MID1: variants seen among roughly 807,000 people sequenced by gnomAD.
The protein encoded by MID1 is midline 1, also known as E3 ubiquitin-protein ligase Midline-1.
A neutral mutation model predicts 40.4 loss-of-function variants in MID1; 7 were observed. The ratio of observed to expected loss-of-function variants is 0.17; its 90% CI spans 0.10 to 0.33. The LOEUF is 0.33. Ranked by LOEUF, MID1 falls within the 10% of genes least tolerant of loss-of-function variation. MID1 has a pLI of 1.00. For synonymous variants in MID1, 229 were observed against 221.2 expected (o/e 1.04, Z -0.31); for missense variants, 367 against 558.5 (o/e 0.66, Z 3.46).
intron 1 of MID1, among the ~76,000 whole-genome samples, chrX:10,619,884 G>T (rs761165127): frequency 8.9e-6 from 1 of 112,070 alleles, no homozygotes; most frequent in East Asian, 2.8e-4. Context: ...AAGAGGCCCC[G>T]TGAAATTCTT....
intron 4 of MID1, among the ~76,000 whole-genome samples, chrX:10,492,062 A>G (rs1445033817): frequency 9.0e-6 from 1 of 111,243 alleles, no homozygotes; most frequent in Non-Finnish European, 1.9e-5. Flanking sequence ...CAAAACTGCT[A>G]ATTTGTTGCT....
At chrX:10,703,084 T>C (rs926460344) in intron 1 of MID1, among the ~76,000 whole-genome samples, 9 of 112,158 alleles carry the variant, frequency 8.0e-5, no homozygotes, top group African/African-American at 2.6e-4. Context: ...GTTATGGCAG[T>C]CCAAGATGAC....
intron 1 of MID1, among the ~76,000 whole-genome samples, chrX:10,827,398 G>C (rs1336579662): frequency 9.2e-6 from 1 of 109,163 alleles, no homozygotes; most frequent in East Asian, 2.9e-4. Context: ...TGCACACCTG[G>C]TAAAACCACT....
chrX:10,782,618 G>C (rs1456928911), intron 1 of MID1, among the ~76,000 whole-genome samples: 2 of 110,638 alleles, frequency 1.8e-5, no homozygotes, highest in Non-Finnish European at 3.8e-5. Flanking sequence ...ACTTTCCTAG[G>C]CATTCTTTTA....
chrX:10,590,825 C>T (rs1955076270), intron 1 of MID1, among the ~76,000 whole-genome samples: 1 of 111,855 alleles, frequency 8.9e-6, no homozygotes, highest in Admixed American at 9.4e-5. Context: ...AAGGTATGAC[C>T]TTATCCCTAA....
At chrX:10,581,459 T>G (rs1935017922) in intron 1 of MID1, among the ~76,000 whole-genome samples, 1 of 111,409 alleles carries the variant, frequency 9.0e-6, no homozygotes, top group African/African-American at 3.3e-5. Context: ...TTAAGGGTCC[T>G]TTGAGGATTA....
At chrX:10,720,578 A>G (rs188751120) in intron 1 of MID1, among the ~76,000 whole-genome samples, 3,151 of 111,512 alleles carry the variant, frequency 0.028, 102 homozygotes, top group African/African-American at 0.097. Flanking sequence ...GGAGAAATAG[A>G]AACACTTTTA....
intron 2 of MID1, among the ~76,000 whole-genome samples, chrX:10,535,339 T>C (rs933658616): frequency 8.9e-6 from 1 of 112,432 alleles, no homozygotes; most frequent in Admixed American, 9.4e-5. Flanking sequence ...TTATTCAATT[T>C]ACTACTTTTA....
rs1040704559 is a variant in MID1, at chrX:10,702,287, A to C, written c.-186-81868T>G. ...TTGGCCAACTCTCTTTGGGCAGCTC[A>C]ATTTTCATCCTAGCTCACTGGCCTG... On this transcript the variant is annotated intron_variant, in intron 1 of 10. Transcript: ENST00000380785. Among the ~76,000 whole-genome samples the C allele has an allele frequency of 7.1e-5, 8 of 111,995 alleles. No homozygotes were observed. The East Asian group carries it at 2.0e-3, about 28-fold the overall frequency.
At chrX:10,820,422 C>T (rs895085511) in intron 1 of MID1, among the ~76,000 whole-genome samples, 9 of 111,254 alleles carry the variant, frequency 8.1e-5, no homozygotes, top group African/African-American at 2.3e-4. Context: ...TGCAGCAGGC[C>T]GAGGAACTTT....
chrX:10,790,355 C>T (rs1326060206), intron 1 of MID1, among the ~76,000 whole-genome samples: 1 of 109,099 alleles, frequency 9.2e-6, no homozygotes, highest in Non-Finnish European at 1.9e-5. Flanking sequence ...CACTATGTTG[C>T]CCAGGCCGTG....
chrX:10,598,582 T>C (rs986206908), intron 1 of MID1, among the ~76,000 whole-genome samples: 7 of 112,148 alleles, frequency 6.2e-5, no homozygotes, highest in Admixed American at 4.7e-4. Context: ...AAAGAGGAAT[T>C]TAGAGAGATT....
rs944251021 is a variant in MID1 at position 10,771,114 on chromosome X, A to G, written c.-187+62440T>C. 2.7e-5 allele frequency among the ~76,000 whole-genome samples: 3 copies of G among 110,333 alleles called. No individual in the cohort carries two copies. The East Asian group carries it at 8.5e-4, about 31-fold the overall frequency. On this transcript the variant is annotated intron_variant, in intron 1 of 10. Transcript: ENST00000380785. ...AGAGACTCTGTCTCAAGAAAAAAAA[A>G]AAAAAAAGATTCTTTTTATACTTGA...
At chrX:10,820,773 A>G (rs906226784) in intron 1 of MID1, among the ~76,000 whole-genome samples, 1 of 111,927 alleles carries the variant, frequency 8.9e-6, no homozygotes, top group African/African-American at 3.2e-5. Context: ...TGAGTCAACA[A>G]CTTGTAAGCA....
intron 1 of MID1, among the ~76,000 whole-genome samples, chrX:10,725,986 A>G (rs961956800): frequency 1.1e-4 from 12 of 112,645 alleles, no homozygotes; most frequent in Non-Finnish European, 3.7e-5. Context: ...AAGATGTTCT[A>G]TATTTCTTGA....
intron 1 of MID1, among the ~76,000 whole-genome samples, chrX:10,728,177 A>G (rs1356865678): frequency 9.1e-6 from 1 of 110,208 alleles, no homozygotes; most frequent in Non-Finnish European, 1.9e-5. Context: ...GATCTTTAAA[A>G]CTCATCAACT....
At chrX:10,660,772 T>C (rs1330062840) in intron 1 of MID1, among the ~76,000 whole-genome samples, 2 of 111,866 alleles carry the variant, frequency 1.8e-5, no homozygotes, top group African/African-American at 3.3e-5. Context: ...TTTAATTATT[T>C]TCCACAGCAT....
At chrX:10,750,076 C>T (rs772217219) in intron 1 of MID1, among the ~76,000 whole-genome samples, 3 of 111,301 alleles carry the variant, frequency 2.7e-5, no homozygotes, top group South Asian at 3.9e-4. Flanking sequence ...GATCACACCC[C>T]GGAGATTCAT....
chrX:10,609,243 A>C (rs1193407162), intron 1 of MID1, among the ~76,000 whole-genome samples: 1 of 111,473 alleles, frequency 9.0e-6, no homozygotes, highest in Non-Finnish European at 1.9e-5. Context: ...CCGTGTGTAC[A>C]TATGTGTATA....
Sources: gnomAD v4.1 joint callset for allele counts (sites outside exome capture counted in the v4.1 genomes callset) on GRCh38, gnomAD v4.1.1 for gene constraint, MANE v1.5 for transcripts, NCBI Gene and HGNC (gene_info 2026-07-23, HGNC 2026-07-21) for gene names.